Variants in ZNF469 observed in about 807,000 individuals in gnomAD.
ZNF469 encodes zinc finger protein 469.
ZNF469 carries 1 observed loss-of-function variant against 1.0 expected under a neutral mutation model. That is an observed-to-expected ratio of 1.00 (90% CI 0.35 to 4.73). The LOEUF is 4.73. Ranked by LOEUF, ZNF469 falls within the 30% of genes most tolerant of loss-of-function variation. The probability of loss-of-function intolerance (pLI) is 0.16; values close to 1 mark genes in which losing one functional copy is unlikely to be tolerated. For missense variants in ZNF469, 6,100 were observed against 5,356.3 expected, an observed-to-expected ratio of 1.14 and a Z score of -4.33; for synonymous variants, 2,703 against 2,363.4, an observed-to-expected ratio of 1.14 and a Z score of -4.17.
chr16:88,208,579 G>C, the ZNF469 span, among the ~76,000 whole-genome samples: 4 of 58,722 alleles, frequency 6.8e-5, no homozygotes, highest in African/African-American at 2.1e-4. Context: ...GAGAGGGAAG[G>C]AGAGAGGGAG....
At chr16:88,129,662 T>G in the ZNF469 span, among the ~76,000 whole-genome samples, 1 of 152,134 alleles carries the variant, frequency 6.6e-6, no homozygotes, top group African/African-American at 2.4e-5. Context: ...GAGACCAGCC[T>G]AGGCAACATG....
At chr16:88,379,366 G>A (rs552106098), upstream of ZNF469, among the ~76,000 whole-genome samples, 1 of 152,296 alleles carries the variant, frequency 6.6e-6, no homozygotes, top group African/African-American at 2.4e-5. Flanking sequence ...TGAGCTCACA[G>A]ACACAGGGGA....
the ZNF469 span, among the ~76,000 whole-genome samples, chr16:88,161,252 G>A: frequency 1.3e-5 from 2 of 152,088 alleles, no homozygotes. Context: ...TTCTGGTGGA[G>A]CATAATAGCA....
the ZNF469 span, among the ~76,000 whole-genome samples, chr16:88,186,804 A>G: frequency 2.0e-5 from 3 of 152,194 alleles, no homozygotes; most frequent in Admixed American, 1.3e-4. Context: ...TCCGGCATCC[A>G]GGGTTCTGGC....
chr16:88,325,266 T>TGCGACATAC, the ZNF469 span, among the ~76,000 whole-genome samples: 1 of 131,598 alleles, frequency 7.6e-6, no homozygotes, highest in African/African-American at 2.8e-5. Context: ...AGGTGGTCCC[T>TGCGACATAC]ACAGGCTCCG....
At position 88,438,525 on chromosome 16, in the gene ZNF469, A is replaced by T; in HGVS notation, c.11055A>T (p.Ala3685=). The stretch of plus-strand genomic sequence containing the variant: ...AGAGCTCATCAAAGGACAGGTCGGC[A>T]GCATCCACCCCCAGCAAAGCACTCA... The part of the protein sequence containing the change: ...GCQSSSKDRS[A]ASTPSKALKF... The change falls in exon 3 of 3, where the codon GCA becomes GCT. Residue 3685 remains alanine (A), a synonymous_variant. Coordinates refer to ENST00000565624, the MANE Select transcript of ZNF469 (RefSeq NM_001367624.2). 6.5e-7 allele frequency: 1 copy of T among 1,550,160 alleles called. No individual in the cohort carries two copies. The highest frequency in any genetic ancestry group is 8.7e-7 in the Non-Finnish European group (1 of 1,146,962).
the ZNF469 span, among the ~76,000 whole-genome samples, chr16:88,314,553 T>C: frequency 2.0e-5 from 3 of 149,478 alleles, no homozygotes; most frequent in East Asian, 6.1e-4. Context: ...GATGCTGGTG[T>C]GGACTGTCAT....
At chr16:88,178,285 G>A in the ZNF469 span, 1 of 152,154 alleles carries the variant, frequency 6.6e-6, no homozygotes, top group African/African-American at 2.4e-5. Context: ...GGGTTTGAGA[G>A]TGGGGAGGGG....
chr16:88,288,878 G>C, the ZNF469 span, among the ~76,000 whole-genome samples: 8 of 152,130 alleles, frequency 5.3e-5, no homozygotes, highest in African/African-American at 1.9e-4. Context: ...ACTTGTAACA[G>C]AAGCACTAAG....
At chr16:88,312,669 G>A in the ZNF469 span, among the ~76,000 whole-genome samples, 1 of 151,722 alleles carries the variant, frequency 6.6e-6, no homozygotes, top group East Asian at 1.9e-4. Flanking sequence ...TTGTTTTTTT[G>A]CCCTTAAGTC....
At chr16:88,376,663 C>T in the ZNF469 span, among the ~76,000 whole-genome samples, 13 of 152,252 alleles carry the variant, frequency 8.5e-5, no homozygotes, top group African/African-American at 2.2e-4. Context: ...TCCGGCTGAG[C>T]GTGTCTGGAG....
At chr16:88,164,482 T>C in the ZNF469 span, among the ~76,000 whole-genome samples, 4 of 151,730 alleles carry the variant, frequency 2.6e-5, no homozygotes, top group Admixed American at 2.6e-4. Context: ...GCCAGATGCA[T>C]GAATGAGTAG....
At chr16:88,394,134 C>G (rs28415476) in intron 1 of ZNF469, among the ~76,000 whole-genome samples, 18,289 of 134,218 alleles carry the variant, frequency 0.14, 4,926 homozygotes, top group Non-Finnish European at 0.18. Flanking sequence ...GGGTTTGACA[C>G]GCCTACACCT....
the ZNF469 span, among the ~76,000 whole-genome samples, chr16:88,268,595 A>G: frequency 6.6e-6 from 1 of 152,274 alleles, no homozygotes; most frequent in Non-Finnish European, 1.5e-5. Context: ...AAGAACATGC[A>G]GGGGTCAAGT....
the ZNF469 span, among the ~76,000 whole-genome samples, chr16:88,185,413 TCA>T: frequency 1.3e-5 from 2 of 152,012 alleles, no homozygotes; most frequent in Non-Finnish European, 2.9e-5. Context: ...GCACTTATAC[TCA>T]CATGAATACA....
intron 1 of ZNF469, among the ~76,000 whole-genome samples, chr16:88,410,559 G>A (rs1405995411): frequency 6.6e-6 from 1 of 151,404 alleles, no homozygotes; most frequent in African/African-American, 2.4e-5. Flanking sequence ...TCACGGTGAC[G>A]TCTATGATGC....
the ZNF469 span, among the ~76,000 whole-genome samples, chr16:88,187,301 G>C: frequency 6.6e-6 from 1 of 152,372 alleles, no homozygotes; most frequent in Middle Eastern, 3.4e-3. Context: ...GCACGTGTGG[G>C]CCCAGCACCT....
the ZNF469 span, among the ~76,000 whole-genome samples, chr16:88,376,289 A>T: frequency 6.6e-6 from 1 of 152,266 alleles, no homozygotes; most frequent in African/African-American, 2.4e-5. Context: ...CCCTGGAGAC[A>T]TAATTACAGG....
the ZNF469 span, among the ~76,000 whole-genome samples, chr16:88,283,820 G>A: frequency 2.7e-5 from 4 of 148,708 alleles, no homozygotes; most frequent in African/African-American, 7.7e-5. Context: ...GTCTGTGAAG[G>A]CTGGTAGACC....
Sources: allele counts gnomAD v4.1 joint callset (sites outside exome capture counted in the v4.1 genomes callset), GRCh38; gene constraint gnomAD v4.1.1; transcripts MANE v1.5; gene names NCBI Gene and HGNC (gene_info 2026-07-23, HGNC 2026-07-21).